The following PPM1H variants were observed in gnomAD, a reference collection of about 807,000 sequenced individuals.
PPM1H encodes protein phosphatase 1H.
Under a neutral mutation model 54.9 loss-of-function variants are expected in PPM1H, and 27 were observed. That is an observed-to-expected ratio of 0.49 (90% CI 0.36 to 0.68). The LOEUF is 0.68. Ranked by LOEUF, PPM1H falls within the 30% of genes least tolerant of loss-of-function variation. The pLI is 0.00. For missense variants in PPM1H, 596 were observed against 667.8 expected, an observed-to-expected ratio of 0.89 and a Z score of 1.19; for synonymous variants, 305 against 270.8, an observed-to-expected ratio of 1.13 and a Z score of -1.24.
At position 62,664,799 on chromosome 12, in the gene PPM1H, C is replaced by G. The variant is rs548440291; in HGVS notation, c.1397+2379G>C. 6.6e-5 allele frequency among the ~76,000 whole-genome samples: 10 copies of G among 152,208 alleles called. No homozygotes were observed. The South Asian group carries it at 1.7e-3, about 25-fold the overall frequency. On this transcript the variant is annotated intron_variant, in intron 9 of 9. Transcript: ENST00000228705. Reference sequence around the variant, plus strand: ...AATTTCTTCAGAAGAGGTTAGTTGGCGGTAATATGTATCAGTTTATGTTTT... The same window carrying G: ...AATTTCTTCAGAAGAGGTTAGTTGGGGGTAATATGTATCAGTTTATGTTTT...
At chr12:62,761,241 T>C (rs2076506961) in intron 4 of PPM1H, among the ~76,000 whole-genome samples, 1 of 152,252 alleles carries the variant, frequency 6.6e-6, no homozygotes. Context: ...CAGAAGTTCA[T>C]ATCCATTATT....
At position 62,722,419 on chromosome 12, in the gene PPM1H, G is replaced by A. The variant is rs541977240; in HGVS notation, c.955-2130C>T. Among the ~76,000 whole-genome samples, 35 of 152,274 alleles carry A rather than the reference G, an allele frequency of 2.3e-4. No individual in the cohort carries two copies. The South Asian group carries it at 7.0e-3, about 31-fold the overall frequency. Reference sequence around the variant, plus strand: ...AAATGAGAACACTACATCCTGGAGAGGTTAAGACCTAGCCCGAGGTCATTC... The same window carrying A: ...AAATGAGAACACTACATCCTGGAGAAGTTAAGACCTAGCCCGAGGTCATTC... On this transcript the variant is annotated intron_variant, in intron 5 of 9. Transcript: ENST00000228705.
intron 2 of PPM1H, among the ~76,000 whole-genome samples, chr12:62,808,583 C>T (rs925823598): frequency 6.6e-6 from 1 of 152,100 alleles, no homozygotes; most frequent in Non-Finnish European, 1.5e-5. Flanking sequence ...CTCTGATGAT[C>T]TCCCCACATT....
intron 8 of PPM1H, among the ~76,000 whole-genome samples, chr12:62,673,528 TTTGTGTC>T (rs2075968001): frequency 3.3e-5 from 5 of 152,072 alleles, no homozygotes. Flanking sequence ...CCTCACAGCT[TTTGTGTC>T]TTGATCAGTT....
intron 1 of PPM1H, among the ~76,000 whole-genome samples, chr12:62,841,710 A>G (rs1868756179): frequency 6.6e-6 from 1 of 152,226 alleles, no homozygotes; most frequent in South Asian, 2.1e-4. Context: ...TGGCATTAGT[A>G]GTAACATTAG....
chr12:62,817,152 T>TAAAAAAAAAAAAAAAAAA (rs2076873724), intron 2 of PPM1H, among the ~76,000 whole-genome samples: 1 of 63,142 alleles, frequency 1.6e-5, no homozygotes, highest in African/African-American at 7.4e-5. Flanking sequence ...AAAAAAAAAC[T>TAAAAAAAAAAAAAAAAAA]AAAAAAAAGA....
At chr12:62,812,564 T>C (rs969062594) in intron 2 of PPM1H, among the ~76,000 whole-genome samples, 1 of 151,974 alleles carries the variant, frequency 6.6e-6, no homozygotes, top group Non-Finnish European at 1.5e-5. Flanking sequence ...TTATATGCAA[T>C]TTATAACACA....
At chr12:62,888,288 G>A (rs1035708297) in intron 1 of PPM1H, among the ~76,000 whole-genome samples, 1 of 152,102 alleles carries the variant, frequency 6.6e-6, no homozygotes, top group Non-Finnish European at 1.5e-5. Flanking sequence ...GGGAACAAAG[G>A]CATTGAAAAT....
At chr12:62,652,776 C>A (rs902623693) in intron 9 of PPM1H, among the ~76,000 whole-genome samples, 1 of 151,168 alleles carries the variant, frequency 6.6e-6, no homozygotes, top group Non-Finnish European at 1.5e-5. Context: ...TTTTTTTGAG[C>A]CTGCCTTAAT....
intron 2 of PPM1H, among the ~76,000 whole-genome samples, chr12:62,822,004 G>T (rs1034919879): frequency 6.6e-6 from 1 of 152,164 alleles, no homozygotes; most frequent in Non-Finnish European, 1.5e-5. Context: ...CTGTATTCAG[G>T]AAACCCATCT....
chr12:62,691,415 G>A (rs1017523957), intron 7 of PPM1H, among the ~76,000 whole-genome samples: 8 of 152,192 alleles, frequency 5.3e-5, no homozygotes, highest in Non-Finnish European at 1.0e-4. Flanking sequence ...ATCCTAGACT[G>A]TCAACAGGGC....
At chr12:62,896,741 C>T (rs10877924) in intron 1 of PPM1H, among the ~76,000 whole-genome samples, 52,597 of 151,944 alleles carry the variant, frequency 0.35, 9,519 homozygotes, top group East Asian at 0.55. Context: ...CCAGCCATCC[C>T]ATTACCGGGT....
At chr12:62,710,074 CA>C (rs1241521556) in intron 6 of PPM1H, among the ~76,000 whole-genome samples, 1 of 144,206 alleles carries the variant, frequency 6.9e-6, no homozygotes, top group African/African-American at 2.5e-5. Context: ...AACTCCGTCT[CA>C]AAAAAAAAAG....
rs564067181 is a variant in PPM1H, at chr12:62,691,801, G to A, written c.1138-1995C>T. Among the ~76,000 whole-genome samples, 26 of 132,092 alleles carry A rather than the reference G, an allele frequency of 2.0e-4. No individual in the cohort carries two copies. The South Asian group carries it at 6.5e-3, about 33-fold the overall frequency. The allele number at this position is 132,092 out of a possible 152,430, so 86.7% of individuals were successfully genotyped here. A position where few individuals can be genotyped will look rare whatever the true frequency, so the allele number is the denominator to read the frequency against. ...TTGTGCCACCGTACTCCAGCCTGATGCCATGTCTCAAAAAAAAAAAAAAAA... is the reference window on the plus strand; with the variant it reads ...TTGTGCCACCGTACTCCAGCCTGATACCATGTCTCAAAAAAAAAAAAAAAA... On this transcript the variant is annotated intron_variant, in intron 7 of 9. Coordinates refer to ENST00000228705, the MANE Select transcript of PPM1H (RefSeq NM_020700.2).
At chr12:62,762,376 C>T (rs2076514434) in intron 4 of PPM1H, among the ~76,000 whole-genome samples, 1 of 152,206 alleles carries the variant, frequency 6.6e-6, no homozygotes, top group Non-Finnish European at 1.5e-5. Context: ...CAGCCCCATG[C>T]TCAGAAAGCC....
chr12:62,865,768 A>G (rs1287047089), intron 1 of PPM1H, among the ~76,000 whole-genome samples: 1 of 152,116 alleles, frequency 6.6e-6, no homozygotes, highest in Non-Finnish European at 1.5e-5. Flanking sequence ...CAGTGCTGGG[A>G]TTACAGGCCT....
intron 6 of PPM1H, among the ~76,000 whole-genome samples, chr12:62,707,846 T>C (rs2076183842): frequency 6.6e-6 from 1 of 152,156 alleles, no homozygotes; most frequent in Non-Finnish European, 1.5e-5. Context: ...AAACTGATTG[T>C]CCCACAGAGA....
At position 62,648,373 on chromosome 12, in the gene PPM1H, T is replaced by C; in HGVS notation, c.*116A>G. On this transcript the variant is annotated 3_prime_UTR_variant, in exon 10 of 10. Transcript: ENST00000228705. ...GTCTTTTGGCCATGAACTCCCCGCTTGGGCTGGGAAGAGACTGCATCACTT... is the reference window on the plus strand; with the variant it reads ...GTCTTTTGGCCATGAACTCCCCGCTCGGGCTGGGAAGAGACTGCATCACTT... The C allele has an allele frequency of 7.5e-7, 1 of 1,337,728 alleles. No homozygotes were observed. The highest frequency in any genetic ancestry group is 1.0e-6 in the Non-Finnish European group (1 of 969,314). The allele number at this position is 1,337,728 out of a possible 1,614,324, so 82.9% of individuals were successfully genotyped here.
rs188711530 is a variant in PPM1H at position 62,824,681 on chromosome 12, G to A, written c.411+7433C>T. ...TTCCCTATTTAATAAATGGTGCTGC[G>A]AAAACTGGCTAGCCATATGTAGAAA... On this transcript the variant is annotated intron_variant, in intron 2 of 9. Coordinates refer to ENST00000228705, the MANE Select transcript of PPM1H (RefSeq NM_020700.2). 2.8e-3 allele frequency among the ~76,000 whole-genome samples: 429 copies of A among 152,214 alleles called. 3 individuals are homozygous for A. The highest frequency in any genetic ancestry group is 9.6e-3 in the African/African-American group (397 of 41,516).
Sources: gnomAD v4.1 joint callset for allele counts (sites outside exome capture counted in the v4.1 genomes callset) on GRCh38, gnomAD v4.1.1 for gene constraint, MANE v1.5 for transcripts, NCBI Gene and HGNC (gene_info 2026-07-23, HGNC 2026-07-21) for gene names.